Variants in FMNL1 observed in about 807,000 individuals in gnomAD.
FMNL1 encodes the protein formin-like protein 1.
FMNL1 carries 43 observed loss-of-function variants against 121.3 expected under a neutral mutation model. That is an observed-to-expected ratio of 0.35 (90% CI 0.28 to 0.46). The LOEUF (loss-of-function observed/expected upper bound fraction) is 0.46. FMNL1 is among the 20% of genes least tolerant of loss of function. The pLI is 1.00. For missense variants in FMNL1, 1,191 were observed against 1,482.4 expected (o/e 0.80, Z 3.23); for synonymous variants, 613 against 613.5 (o/e 1.00, Z 0.01).
At chr17:45,240,961 T>G in intron 12 of FMNL1, 168 bp from the exon 13 acceptor site, 1 of 822,930 alleles carries the variant, frequency 1.2e-6, no homozygotes, top group Non-Finnish European at 1.9e-6. Flanking sequence ...TTTCCTCTCC[T>G]TATTTGCTTG....
Position 45,241,372 on chromosome 17 carries a change from G to T in FMNL1, c.1333-10G>T, listed in dbSNP as rs1435756504. 8 of 1,574,560 alleles carry T rather than the reference G, an allele frequency of 5.1e-6. No homozygotes were observed. The African/African-American group carries it at 9.5e-5, about 19-fold the overall frequency. ...CTGGTGGGCACTGACCCCTCCCGTGGGGTTCGTAGGAGCGCTTCAGCGAAT... is the reference window on the plus strand; with the variant it reads ...CTGGTGGGCACTGACCCCTCCCGTGTGGTTCGTAGGAGCGCTTCAGCGAAT... On this transcript the variant is annotated splice_polypyrimidine_tract_variant and intron_variant, in intron 13 of 26. Coordinates refer to ENST00000331495, the MANE Select transcript of FMNL1 (RefSeq NM_005892.4). This position sits in a 1 kb window ranked among gnomAD's most constrained non-coding sequence, Gnocchi z 7.0.
intron 1 of FMNL1, among the ~76,000 whole-genome samples, chr17:45,222,800 T>C (rs2043256768): frequency 6.6e-6 from 1 of 151,500 alleles, no homozygotes; most frequent in Non-Finnish European, 1.5e-5. Flanking sequence ...CCAGGGTGCC[T>C]GTGGGTCTTT....
chr17:45,230,627 C>T lies in FMNL1; in HGVS notation c.153C>T (p.Asp51=). The T allele has an allele frequency of 6.2e-7, 1 of 1,613,876 alleles. No homozygotes were observed. The highest frequency in any genetic ancestry group is 1.1e-5 in the South Asian group (1 of 91,072). The stretch of plus-strand genomic sequence containing the variant: ...AGAACTGCATGAACTTGCCCCCAGA[C>T]AAGGTCCAGCTGCTGAGCCAGTATG... ...RALNCMNLPP[D]KVQLLSQYDN... Residue 51 remains aspartate (D), a synonymous_variant, in exon 2 of 27, where the codon GAC becomes GAT. Transcript: ENST00000331495.
At chr17:45,230,195 G>A (rs553547903) in intron 1 of FMNL1, among the ~76,000 whole-genome samples, 97 of 152,308 alleles carry the variant, frequency 6.4e-4, no homozygotes, top group Middle Eastern at 6.8e-3. Context: ...GGCCTGACTG[G>A]TGATGGCTCC....
chr17:45,246,071 A>AACCTGC, intron 24 of FMNL1, 98 bp downstream of exon 24: 1 of 1,523,466 alleles, frequency 6.6e-7, no homozygotes, highest in East Asian at 2.3e-5. Context: ...TTACAGACTG[A>AACCTGC]CCCTGCCCCA....
At position 45,237,043 on chromosome 17, in the gene FMNL1, G is replaced by A. The variant is rs897282301; in HGVS notation, c.724-238G>A. 1.3e-5 allele frequency among the ~76,000 whole-genome samples: 2 copies of A among 152,204 alleles called. No individual in the cohort carries two copies. Among genetic ancestry groups the A allele is most frequent in the African/African-American group, 4.8e-5 (2 of 41,452 alleles). ...TGAGTCAGGAGAATCACTTGAACCC[G>A]GGAGGCAGAGACTGCGGTGAGCTGA... On this transcript the variant is annotated intron_variant, in intron 7 of 26. Coordinates refer to ENST00000331495, the MANE Select transcript of FMNL1 (RefSeq NM_005892.4). The surrounding 1 kb of genome is among the most constrained non-coding windows in gnomAD (Gnocchi z 4.4).
chr17:45,223,952 G>T (rs779235781), intron 1 of FMNL1, among the ~76,000 whole-genome samples: 1 of 152,150 alleles, frequency 6.6e-6, no homozygotes, highest in East Asian at 1.9e-4. Flanking sequence ...TGGATTTGTG[G>T]CTGTGATTGG....
At chr17:45,227,255 A>G (rs550177185) in intron 1 of FMNL1, among the ~76,000 whole-genome samples, 2 of 152,272 alleles carry the variant, frequency 1.3e-5, no homozygotes, top group South Asian at 4.1e-4. Flanking sequence ...CTGAAAGTGA[A>G]ACCCTAGGGT....
At chr17:45,236,027 T>C in intron 6 of FMNL1, 109 bp from the exon 7 acceptor site, 2 of 836,678 alleles carry the variant, frequency 2.4e-6, no homozygotes. Context: ...TGGGATGTGG[T>C]GCCGTCAGGT....
intron 1 of FMNL1, among the ~76,000 whole-genome samples, chr17:45,226,902 C>T (rs1236614534): frequency 6.6e-6 from 1 of 152,104 alleles, no homozygotes; most frequent in East Asian, 1.9e-4. Context: ...GGGGCTGGGT[C>T]TCCTCATAGA....
At position 45,233,411 on chromosome 17, in the gene FMNL1, G is replaced by A. The variant is rs979362373; in HGVS notation, c.401+114G>A. The A allele has an allele frequency of 2.5e-6, 3 of 1,183,540 alleles. No individual in the cohort carries two copies. The highest frequency in any genetic ancestry group is 3.5e-6 in the Non-Finnish European group (3 of 847,140). The allele number at this position is 1,183,540 out of a possible 1,614,324, so 73.3% of individuals were successfully genotyped here. ...CCCCCTGCACAAGGCTGTGCTTGTG[G>A]ACCACCTCCTGGAGGTGTCCAGGAC... On this transcript the variant is annotated intron_variant, in intron 4 of 26. Transcript: ENST00000331495. The surrounding 1 kb of genome is among the most constrained non-coding windows in gnomAD (Gnocchi z 4.1).
At chr17:45,238,530 C>G in intron 9 of FMNL1, 34 bp from the exon 10 acceptor site, 1 of 1,611,650 alleles carries the variant, frequency 6.2e-7, no homozygotes, top group Non-Finnish European at 8.5e-7. Context: ...ACGTGTGTCA[C>G]TGGGCCTCAG....
rs945098004 is a variant in FMNL1, at chr17:45,233,420, C to T, written c.401+123C>T. 1.4e-5 allele frequency: 16 copies of T among 1,104,028 alleles called. No individual in the cohort carries two copies. Among genetic ancestry groups the T allele is most frequent in the African/African-American group, 1.1e-4 (7 of 63,690 alleles). The allele number at this position is 1,104,028 out of a possible 1,614,324, so 68.4% of individuals were successfully genotyped here. On this transcript the variant is annotated intron_variant, in intron 4 of 26. Transcript: ENST00000331495. The surrounding 1 kb of genome is among the most constrained non-coding windows in gnomAD (Gnocchi z 4.1). ...CAAGGCTGTGCTTGTGGACCACCTCCTGGAGGTGTCCAGGACAGCTTCCCC... is the reference window on the plus strand; with the variant it reads ...CAAGGCTGTGCTTGTGGACCACCTCTTGGAGGTGTCCAGGACAGCTTCCCC...
In FMNL1 at chr17:45,221,951, C is replaced by G; in HGVS notation, c.-174C>G. The G allele has an allele frequency of 2.5e-6, 1 of 393,500 alleles. No homozygotes were observed. The highest frequency in any genetic ancestry group is 1.2e-4 in the South Asian group (1 of 8,572). The allele number at this position is 393,500 out of a possible 1,614,324, so 24.4% of individuals were successfully genotyped here. The stretch of plus-strand genomic sequence containing the variant: ...GGACGGGGCCGCCCCGATGGGACGC[C>G]GCGCTCCGGCCCCTGCGCGCCGCTG... On this transcript the variant is annotated 5_prime_UTR_variant, in exon 1 of 27. Transcript: ENST00000331495.
intron 1 of FMNL1, among the ~76,000 whole-genome samples, chr17:45,222,474 C>A (rs2043247493): frequency 6.6e-6 from 1 of 152,190 alleles, no homozygotes. Context: ...GGTCTCCCTC[C>A]CTAAGACGCC....
chr17:45,228,864 C>G (rs994723615), intron 1 of FMNL1, among the ~76,000 whole-genome samples: 1 of 152,202 alleles, frequency 6.6e-6, no homozygotes, highest in Non-Finnish European at 1.5e-5. Context: ...CTCCAGTTTC[C>G]CTGGCACTGC....
chr17:45,227,160 C>G (rs910492975), intron 1 of FMNL1, among the ~76,000 whole-genome samples: 2 of 152,032 alleles, frequency 1.3e-5, no homozygotes, highest in African/African-American at 4.8e-5. Flanking sequence ...GGATTGATGT[C>G]CAAGTTCAGG....
Position 45,233,022 on chromosome 17 carries a change from G to T in FMNL1, c.328-202G>T. ...TATCGGGGGTGTGTGTACCCTGCTT[G>T]TCTATGTATGGGGGAGCACATGTAG... On this transcript the variant is annotated intron_variant, in intron 3 of 26. Transcript: ENST00000331495. This position sits in a 1 kb window ranked among gnomAD's most constrained non-coding sequence, Gnocchi z 4.1. 1.5e-6 allele frequency: 1 copy of T among 674,268 alleles called. No individual in the cohort carries two copies. Among genetic ancestry groups the T allele is most frequent in the Non-Finnish European group, 2.7e-6 (1 of 367,296 alleles). 41.8% of individuals were successfully genotyped at this position (674,268 alleles called of 1,614,324 possible).
At position 45,241,409 on chromosome 17, in the gene FMNL1, G is replaced by A; in HGVS notation, c.1360G>A (p.Gly454Arg). The change falls in exon 14 of 27, where the codon GGG becomes AGG. Residue 454 changes from glycine to arginine, a missense_variant. By Grantham distance (125) the Gly-to-Arg change is moderately radical. Around this residue, in one of 4 missense-constraint regions of FMNL1, gnomAD observed 519 missense variants for 492.8 expected, o/e 1.05. Transcript: ENST00000331495. The surrounding 1 kb of genome is among the most constrained non-coding windows in gnomAD (Gnocchi z 7.0). ...GCGCTTCAGCGAATCGACCGCCATG[G>A]GGCCCTCCAGGCGTCCCCCAGAGCC... ...RERFSESTAM[G>R]PSRRPPEPEK... 6.4e-7 allele frequency: 1 copy of A among 1,564,678 alleles called. No individual in the cohort carries two copies. The highest frequency in any genetic ancestry group is 8.7e-7 in the Non-Finnish European group (1 of 1,155,332).
Sources: gnomAD v4.1 joint callset for allele counts (sites outside exome capture counted in the v4.1 genomes callset) on GRCh38, gnomAD v4.1.1 for gene constraint, gnomAD v4.1.1 regional missense constraint, Gnocchi (gnomAD v3.1) non-coding constraint, MANE v1.5 for transcripts, NCBI Gene and HGNC (gene_info 2026-07-23, HGNC 2026-07-21) for gene names.